The following CCDC102B variants were observed in gnomAD, a reference collection of about 807,000 sequenced individuals.
The protein encoded by CCDC102B is coiled-coil domain containing 102B, also known as coiled-coil domain-containing protein 102B.
In CCDC102B, 75 loss-of-function variants were observed where a neutral mutation model predicts 57.4. That is an observed-to-expected ratio of 1.31 (90% CI 1.08 to 1.58). CCDC102B has a LOEUF of 1.58. Among genes scored for constraint, CCDC102B ranks in the 40% most tolerant of loss-of-function variants. The pLI is 0.00. For missense variants in CCDC102B, 636 were observed against 582.6 expected (o/e 1.09, Z -0.94); for synonymous variants, 206 against 201.9 (o/e 1.02, Z -0.17).
intron 5 of CCDC102B, among the ~76,000 whole-genome samples, chr18:68,883,574 C>G (rs916901157): frequency 6.6e-6 from 1 of 152,120 alleles, no homozygotes; most frequent in East Asian, 1.9e-4. Flanking sequence ...TTACACTTTT[C>G]CTACTGTAGA....
chr18:68,797,216 T>C (rs1180151251), upstream of CCDC102B, among the ~76,000 whole-genome samples: 1 of 152,118 alleles, frequency 6.6e-6, no homozygotes, highest in Non-Finnish European at 1.5e-5. Flanking sequence ...AGATAGATGA[T>C]AACACCGTAA....
At chr18:69,001,409 A>G (rs1463717247) in intron 6 of CCDC102B, among the ~76,000 whole-genome samples, 1 of 152,046 alleles carries the variant, frequency 6.6e-6, no homozygotes, top group Non-Finnish European at 1.5e-5. Flanking sequence ...AGCTAAAGAC[A>G]GGCTTTTTAT....
chr18:69,035,907 C>G (rs2052277629), intron 7 of CCDC102B, among the ~76,000 whole-genome samples: 1 of 152,044 alleles, frequency 6.6e-6, no homozygotes, highest in Non-Finnish European at 1.5e-5. Flanking sequence ...CCTCATTACC[C>G]TAATCAAATT....
chr18:68,920,014 T>G (rs2041218878), intron 6 of CCDC102B, among the ~76,000 whole-genome samples: 1 of 152,164 alleles, frequency 6.6e-6, no homozygotes, highest in African/African-American at 2.4e-5. Flanking sequence ...TGTGCAGGTT[T>G]GTTACAACTT....
intron 6 of CCDC102B, among the ~76,000 whole-genome samples, chr18:68,912,177 A>AGTT (rs1555725232): frequency 1.3e-5 from 2 of 151,896 alleles, no homozygotes; most frequent in Admixed American, 6.6e-5. Context: ...GTTTTCTACA[A>AGTT]AGTAAGGTCT....
At chr18:68,926,949 G>T (rs919546921) in intron 6 of CCDC102B, among the ~76,000 whole-genome samples, 1 of 151,964 alleles carries the variant, frequency 6.6e-6, no homozygotes, top group Non-Finnish European at 1.5e-5. Flanking sequence ...AGATAAAAAT[G>T]TTAGCTGATT....
At chr18:68,976,749 T>G (rs1340919038) in intron 6 of CCDC102B, among the ~76,000 whole-genome samples, 1 of 152,026 alleles carries the variant, frequency 6.6e-6, no homozygotes. Flanking sequence ...GTTACTTTAG[T>G]GTAGTTGAAT....
chr18:68,889,253 C>G (rs1020724802), intron 5 of CCDC102B, among the ~76,000 whole-genome samples: 1 of 152,070 alleles, frequency 6.6e-6, no homozygotes, highest in African/African-American at 2.4e-5. Context: ...GGATGAGTAT[C>G]CTTATGAAAG....
chr18:68,719,932 T>C (rs1326643032), intron 2 of CCDC102B, among the ~76,000 whole-genome samples: 1 of 152,130 alleles, frequency 6.6e-6, no homozygotes, highest in East Asian at 1.9e-4. Flanking sequence ...CAATAAAATA[T>C]CAAACCAAAT....
At chr18:68,938,628 A>T (rs2049303715) in intron 6 of CCDC102B, among the ~76,000 whole-genome samples, 1 of 151,754 alleles carries the variant, frequency 6.6e-6, no homozygotes, top group South Asian at 2.1e-4. Flanking sequence ...TTATACTTAA[A>T]ATCATTATAC....
intron 4 of CCDC102B, among the ~76,000 whole-genome samples, chr18:68,861,618 TCTGA>T (rs1265035059): frequency 6.6e-6 from 1 of 152,168 alleles, no homozygotes; most frequent in African/African-American, 2.4e-5. Flanking sequence ...GGTTTTCCAC[TCTGA>T]CTGTTGAGAA....
upstream of CCDC102B, among the ~76,000 whole-genome samples, chr18:68,793,766 C>G (rs1381813178): frequency 6.6e-6 from 1 of 152,126 alleles, no homozygotes; most frequent in East Asian, 1.9e-4. Context: ...AATATAAATA[C>G]AACATTATCT....
chr18:68,813,727 C>A (rs1012603575), intron 1 of CCDC102B, among the ~76,000 whole-genome samples: 1 of 150,580 alleles, frequency 6.6e-6, no homozygotes, highest in African/African-American at 2.5e-5. Flanking sequence ...AATGGAAGAG[C>A]AATTGGGAAC....
At chr18:68,755,731 A>G (rs1473882111) in intron 2 of CCDC102B, among the ~76,000 whole-genome samples, 1 of 151,786 alleles carries the variant, frequency 6.6e-6, no homozygotes, top group African/African-American at 2.4e-5. Flanking sequence ...ATTAATTACA[A>G]AATTGTATTA....
chr18:69,018,976 A>G (rs1456129507), intron 7 of CCDC102B, among the ~76,000 whole-genome samples: 4 of 152,058 alleles, frequency 2.6e-5, no homozygotes, highest in Non-Finnish European at 4.4e-5. Context: ...TCCCAACACT[A>G]CTTGTTGAAG....
At chr18:68,872,745 G>C (rs185825800) in intron 4 of CCDC102B, among the ~76,000 whole-genome samples, 221 of 151,806 alleles carry the variant, frequency 1.5e-3, no homozygotes, top group Non-Finnish European at 2.5e-3. Flanking sequence ...CTTAATCTCA[G>C]CCTTGACTAT....
chr18:68,740,119 G>C (rs975320673), intron 2 of CCDC102B, among the ~76,000 whole-genome samples: 1 of 152,096 alleles, frequency 6.6e-6, no homozygotes, highest in African/African-American at 2.4e-5. Context: ...TACAGTTTAG[G>C]ATGTTTACCA....
chr18:68,875,825 T>C (rs1383371485), intron 5 of CCDC102B, among the ~76,000 whole-genome samples: 1 of 152,144 alleles, frequency 6.6e-6, no homozygotes, highest in African/African-American at 2.4e-5. Flanking sequence ...TGCTCTAGTA[T>C]TGGAACTTAA....
At chr18:68,773,384 G>A (rs988328466) in intron 2 of CCDC102B, among the ~76,000 whole-genome samples, 1 of 151,982 alleles carries the variant, frequency 6.6e-6, no homozygotes, top group African/African-American at 2.4e-5. Context: ...ATGCAGTAAA[G>A]AGAAGATCAA....
Sources: gnomAD v4.1 joint callset for allele counts (sites outside exome capture counted in the v4.1 genomes callset) on GRCh38, gnomAD v4.1.1 for gene constraint, MANE v1.5 for transcripts, NCBI Gene and HGNC (gene_info 2026-07-23, HGNC 2026-07-21) for gene names.